Variants in NAV3 observed in about 807,000 individuals in gnomAD.
NAV3 encodes pore membrane and/or filament interacting like protein 1.
NAV3 carries 87 observed loss-of-function variants against 244.7 expected under a neutral mutation model. The ratio of observed to expected loss-of-function variants is 0.36; its 90% CI spans 0.30 to 0.42. The LOEUF is 0.42. Ranked by LOEUF, NAV3 falls within the 20% of genes least tolerant of loss-of-function variation. The pLI is 1.00. For synonymous variants in NAV3, 1,126 were observed against 1,042.2 expected (o/e 1.08, Z -1.55); for missense variants, 2,663 against 2,893.3 (o/e 0.92, Z 1.83).
At chr12:77,786,882 C>A (rs568407994) in intron 2 of NAV3, among the ~76,000 whole-genome samples, 1 of 152,196 alleles carries the variant, frequency 6.6e-6, no homozygotes, top group South Asian at 2.1e-4. Flanking sequence ...GTACCTCATC[C>A]CCAGTGCTGT....
chr12:77,831,184 A>G lies in NAV3; in HGVS notation c.-278A>G, dbSNP rs1177760068. On this transcript the variant is annotated 5_prime_UTR_variant, in exon 1 of 40. Transcript: ENST00000397909. ...GAGAGAGAGACAGAGAGAGAGAGAG[A>G]GAGAGAGAGACAGAGAGAGAGAGAG... 3.1e-3 allele frequency: 430 copies of G among 137,158 alleles called. 2 individuals are homozygous for G. Among genetic ancestry groups the G allele is most frequent in the African/African-American group, 0.012 (397 of 32,270 alleles). The allele number at this position is 137,158 out of a possible 1,614,324, so 8.5% of individuals were successfully genotyped here. A position where few individuals can be genotyped will look rare whatever the true frequency, so the allele number is the denominator to read the frequency against.
intron 2 of NAV3, among the ~76,000 whole-genome samples, chr12:77,596,478 C>T (rs932783016): frequency 4.0e-5 from 6 of 151,788 alleles, no homozygotes; most frequent in Non-Finnish European, 7.4e-5. Context: ...TCTAAAATAT[C>T]GAGTAAAATT....
chr12:77,593,804 T>C (rs1334020874), intron 2 of NAV3, among the ~76,000 whole-genome samples: 1 of 151,594 alleles, frequency 6.6e-6, no homozygotes, highest in Non-Finnish European at 1.5e-5. Context: ...GGAGGAGAGA[T>C]TTATTTTAGA....
At chr12:77,590,685 A>C (rs944452760) in intron 2 of NAV3, among the ~76,000 whole-genome samples, 10 of 152,228 alleles carry the variant, frequency 6.6e-5, no homozygotes, top group Admixed American at 5.9e-4. Context: ...TGTGGTGGTT[A>C]TTATTCACAC....
intron 2 of NAV3, among the ~76,000 whole-genome samples, chr12:77,727,098 A>ATC (rs1330112318): frequency 8.6e-5 from 13 of 151,944 alleles, no homozygotes. Flanking sequence ...GAATATCCAC[A>ATC]GATTTGTCGA....
At chr12:77,616,299 C>T (rs371634858) in intron 2 of NAV3, among the ~76,000 whole-genome samples, 2 of 151,864 alleles carry the variant, frequency 1.3e-5, no homozygotes, top group South Asian at 2.1e-4. Flanking sequence ...CCCAGCTACT[C>T]GGGAGGCTGA....
In NAV3 at chr12:77,600,050, T is replaced by C. The variant is rs1373359593; in HGVS notation, c.72+27784T>C. Among the ~76,000 whole-genome samples, 3 of 152,016 alleles carry C rather than the reference T, an allele frequency of 2.0e-5. No individual in the cohort carries two copies. The East Asian group carries it at 5.8e-4, about 29-fold the overall frequency. ...AAGAACTGCACAACATCACAGATTTTCTTCTCCTTTGTAGCTGTGCTTGCT... is the reference window on the plus strand; with the variant it reads ...AAGAACTGCACAACATCACAGATTTCCTTCTCCTTTGTAGCTGTGCTTGCT... On this transcript the variant is annotated intron_variant, in intron 2 of 8. Coordinates refer to the NAV3 transcript ENST00000550042.
chr12:77,987,114 T>C (rs544948694), intron 5 of NAV3, among the ~76,000 whole-genome samples: 16 of 152,296 alleles, frequency 1.1e-4, no homozygotes, highest in Admixed American at 9.8e-4. Context: ...ATATTATTTC[T>C]CTGTCAAATG....
chr12:78,054,665 G>A (rs536760508), intron 11 of NAV3, among the ~76,000 whole-genome samples: 3 of 152,250 alleles, frequency 2.0e-5, no homozygotes, highest in Admixed American at 6.5e-5. Flanking sequence ...GATATGGGAA[G>A]CACTGCAAAG....
chr12:77,882,313 A>G (rs536631446), intron 1 of NAV3, among the ~76,000 whole-genome samples: 1 of 152,288 alleles, frequency 6.6e-6, no homozygotes, highest in African/African-American at 2.4e-5. Flanking sequence ...AAGGCTGACA[A>G]AAACAAGCAG....
intron 5 of NAV3, among the ~76,000 whole-genome samples, chr12:77,975,576 G>C (rs1464703621): frequency 6.6e-6 from 1 of 152,178 alleles, no homozygotes; most frequent in Non-Finnish European, 1.5e-5. Flanking sequence ...GAATGTTGTC[G>C]GTGAATATCT....
chr12:77,814,276 A>C (rs896595540), intron 2 of NAV3, among the ~76,000 whole-genome samples: 1 of 152,182 alleles, frequency 6.6e-6, no homozygotes. Flanking sequence ...TTGATACAAC[A>C]TCCCAACATC....
chr12:78,146,259 C>T (rs1461458162), intron 20 of NAV3, 110 bp from the exon 21 acceptor site: 2 of 371,278 alleles, frequency 5.4e-6, no homozygotes, highest in Admixed American at 4.5e-5. Context: ...TTCTATTCTT[C>T]TCATAGTAGA....
chr12:77,898,227 A>T (rs2136871896), intron 1 of NAV3, among the ~76,000 whole-genome samples: 1 of 152,292 alleles, frequency 6.6e-6, no homozygotes, highest in Admixed American at 6.5e-5. Context: ...CTAATAATAC[A>T]TTTGCATTTC....
chr12:77,804,329 G>T (rs1161508746), intron 2 of NAV3, among the ~76,000 whole-genome samples: 1 of 152,054 alleles, frequency 6.6e-6, no homozygotes, highest in Non-Finnish European at 1.5e-5. Context: ...TTTGTATAAG[G>T]TGTAAGTTTA....
chr12:78,157,201 G>A lies in NAV3; in HGVS notation c.4786-2002G>A, dbSNP rs546731506. On this transcript the variant is annotated intron_variant, in intron 22 of 39. Transcript: ENST00000397909. ...ATGTTCACTATGTGATAAGTCAGGGGGCTGTTTTCATTTTGTTCACTTTTA... is the reference window on the plus strand; with the variant it reads ...ATGTTCACTATGTGATAAGTCAGGGAGCTGTTTTCATTTTGTTCACTTTTA... Among the ~76,000 whole-genome samples, 8 of 152,092 alleles carry A rather than the reference G, an allele frequency of 5.3e-5. No homozygotes were observed. The East Asian group carries it at 1.4e-3, about 26-fold the overall frequency.
intron 7 of NAV3, among the ~76,000 whole-genome samples, chr12:77,998,784 G>A (rs1872763919): frequency 1.3e-5 from 2 of 152,060 alleles, no homozygotes; most frequent in Admixed American, 1.3e-4. Context: ...TTTTGAAAAT[G>A]TATCCTGAAA....
intron 2 of NAV3, among the ~76,000 whole-genome samples, chr12:77,712,812 A>G (rs1307507101): frequency 6.6e-6 from 1 of 152,214 alleles, no homozygotes; most frequent in Non-Finnish European, 1.5e-5. Context: ...ATTCATACAA[A>G]CAAATGACTC....
chr12:77,652,745 A>T (rs1565754350), intron 2 of NAV3, among the ~76,000 whole-genome samples: 1 of 152,240 alleles, frequency 6.6e-6, no homozygotes, highest in African/African-American at 2.4e-5. Context: ...TAGTAAAATA[A>T]TGATTTTTAA....
Sources: allele counts gnomAD v4.1 joint callset (sites outside exome capture counted in the v4.1 genomes callset), GRCh38; gene constraint gnomAD v4.1.1; transcripts MANE v1.5; gene names NCBI Gene and HGNC (gene_info 2026-07-23, HGNC 2026-07-21).